Variants in PTPRQ observed in about 807,000 individuals in gnomAD.
The protein encoded by PTPRQ is phosphatidylinositol phosphatase PTPRQ.
A neutral mutation model predicts 246.0 loss-of-function variants in PTPRQ; 199 were observed. The observed-to-expected ratio is 0.81, with a 90% confidence interval of 0.72 to 0.91. The LOEUF (loss-of-function observed/expected upper bound fraction) is 0.91. Among genes scored for constraint, PTPRQ ranks in the 40% least tolerant of loss-of-function variants. The pLI is 0.00. For missense variants in PTPRQ, 2,624 were observed against 2,528.4 expected, an observed-to-expected ratio of 1.04 and a Z score of -0.81; for synonymous variants, 869 against 853.2, an observed-to-expected ratio of 1.02 and a Z score of -0.32.
chr12:80,617,143 G>A (rs1898793655), intron 30 of PTPRQ, among the ~76,000 whole-genome samples: 1 of 151,148 alleles, frequency 6.6e-6, no homozygotes, highest in Non-Finnish European at 1.5e-5. Context: ...TCATGGATTA[G>A]CCACTTGATA....
chr12:80,484,619 A>G lies in PTPRQ; in HGVS notation c.1359+14A>G. Reference sequence around the variant, plus strand: ...GGAAATAATGAGGTATTGCATTTTTATTTCACTTATTGGTGAACCCTTTCT... The same window carrying G: ...GGAAATAATGAGGTATTGCATTTTTGTTTCACTTATTGGTGAACCCTTTCT... On this transcript the variant is annotated intron_variant, in intron 9 of 44. Transcript: ENST00000644991. The G allele has an allele frequency of 2.6e-6, 4 of 1,547,464 alleles. No individual in the cohort carries two copies. In the South Asian group the frequency reaches 3.6e-5, roughly 14 times the overall value.
At chr12:80,560,574 T>C (rs1246068024) in intron 25 of PTPRQ, among the ~76,000 whole-genome samples, 1 of 152,186 alleles carries the variant, frequency 6.6e-6, no homozygotes, top group African/African-American at 2.4e-5. Context: ...CTATAGTTCT[T>C]GCACAGAAAT....
chr12:80,532,290 T>C (rs1277290562), intron 17 of PTPRQ, among the ~76,000 whole-genome samples: 1 of 152,094 alleles, frequency 6.6e-6, no homozygotes, highest in African/African-American at 2.4e-5. Context: ...GTTGCCGATA[T>C]TGGCTCACTT....
intron 25 of PTPRQ, among the ~76,000 whole-genome samples, chr12:80,565,572 T>C (rs554144565): frequency 6.6e-6 from 1 of 152,350 alleles, no homozygotes; most frequent in Non-Finnish European, 1.5e-5. Context: ...TCTTCTTTCT[T>C]TCTGGTAACC....
intron 6 of PTPRQ, among the ~76,000 whole-genome samples, chr12:80,465,713 A>G (rs2120511489): frequency 6.6e-6 from 1 of 152,132 alleles, no homozygotes; most frequent in East Asian, 1.9e-4. Context: ...ACACAAATCA[A>G]TAAATGTAAT....
chr12:80,456,408 C>G (rs978969600), intron 3 of PTPRQ, among the ~76,000 whole-genome samples: 1 of 152,056 alleles, frequency 6.6e-6, no homozygotes, highest in Admixed American at 6.6e-5. Context: ...AATAGGCAAC[C>G]TTTTTCTAAC....
At chr12:80,510,648 A>AG (rs1417333155) in intron 17 of PTPRQ, among the ~76,000 whole-genome samples, 10 of 152,270 alleles carry the variant, frequency 6.6e-5, no homozygotes, top group Middle Eastern at 3.4e-3. Context: ...TTTGCAATTA[A>AG]AACAAAAAAT....
At chr12:80,604,761 G>A (rs187576850) in intron 26 of PTPRQ, among the ~76,000 whole-genome samples, 1 of 151,408 alleles carries the variant, frequency 6.6e-6, no homozygotes, top group Non-Finnish European at 1.5e-5. Flanking sequence ...GCTTAAAAAG[G>A]TTTACTTTAG....
intron 26 of PTPRQ, among the ~76,000 whole-genome samples, chr12:80,589,469 A>G (rs1003051712): frequency 6.6e-6 from 1 of 152,140 alleles, no homozygotes; most frequent in African/African-American, 2.4e-5. Flanking sequence ...ATATTCTTAA[A>G]CATTTTTGAT....
intron 25 of PTPRQ, among the ~76,000 whole-genome samples, chr12:80,562,489 G>A (rs1896856121): frequency 6.6e-6 from 1 of 152,002 alleles, no homozygotes; most frequent in African/African-American, 2.4e-5. Flanking sequence ...TATCAAACAA[G>A]TTAGAAAAAG....
chr12:80,496,442 C>G lies in PTPRQ; in HGVS notation c.2183C>G (p.Thr728Ser). 3.2e-6 allele frequency: 5 copies of G among 1,550,714 alleles called. No individual in the cohort carries two copies. The highest frequency in any genetic ancestry group is 2.4e-5 in the East Asian group (1 of 40,858). The change falls in exon 14 of 45, where the codon ACC (threonine) becomes AGC (serine). Residue 728 changes from threonine (T) to serine (S), a missense_variant. By Grantham distance (58) the Thr-to-Ser change is moderately conservative. Transcript: ENST00000644991. ...DIILRNLRPH[T>S]LYNISVRSYT... ...ATATTAAGGAACTTAAGACCTCACA[C>G]CCTCTATAACATTTCTGTAAGGTCT...
chr12:80,496,635 A>G, intron 14 of PTPRQ, 104 bp downstream of exon 14: 1 of 1,348,976 alleles, frequency 7.4e-7, no homozygotes, highest in East Asian at 2.7e-5. Flanking sequence ...AAAATCCCTC[A>G]TTATTTTGTT....
chr12:80,471,454 A>G (rs948135147), intron 7 of PTPRQ, among the ~76,000 whole-genome samples: 3 of 149,046 alleles, frequency 2.0e-5, no homozygotes, highest in Non-Finnish European at 4.4e-5. Context: ...CTCTTATAGA[A>G]GATAATGAAA....
At chr12:80,500,289 T>C (rs1894758177) in intron 14 of PTPRQ, among the ~76,000 whole-genome samples, 1 of 152,054 alleles carries the variant, frequency 6.6e-6, no homozygotes, top group African/African-American at 2.4e-5. Context: ...CTTTATAAAA[T>C]ATTTCTATAA....
At chr12:80,571,462 A>G (rs1472452796) in intron 25 of PTPRQ, among the ~76,000 whole-genome samples, 2 of 152,204 alleles carry the variant, frequency 1.3e-5, no homozygotes, top group Non-Finnish European at 2.9e-5. Flanking sequence ...AGAGATATGT[A>G]TAACAAATAT....
intron 32 of PTPRQ, 77 bp downstream of exon 32, chr12:80,620,453 T>C: frequency 6.6e-7 from 1 of 1,525,066 alleles, no homozygotes; most frequent in South Asian, 1.3e-5. Flanking sequence ...CTGCCTGTCC[T>C]TTCATCTTTC....
chr12:80,542,909 A>T (rs1202939156), intron 23 of PTPRQ, 28 bp downstream of exon 23: 4 of 1,287,918 alleles, frequency 3.1e-6, no homozygotes, highest in Non-Finnish European at 4.1e-6. Context: ...GTATATGTTT[A>T]TTTTTAAAAA....
rs370721796 is a variant in PTPRQ at position 80,653,300 on chromosome 12, G to A, written c.6115+466G>A. ...ACTTACATGAATTCATTTTACATAT[G>A]AGGCAGAATGAGCTTCACCATAGTA... is the stretch of plus-strand genomic sequence containing the variant. On this transcript the variant is annotated intron_variant, in intron 38 of 44. Transcript: ENST00000644991. 2.0e-4 allele frequency among the ~76,000 whole-genome samples: 30 copies of A among 152,280 alleles called. 1 individual carries two copies. The East Asian group carries it at 5.4e-3, about 27-fold the overall frequency.
At chr12:80,537,394 T>A (rs780494752) in intron 19 of PTPRQ, among the ~76,000 whole-genome samples, 2 of 152,194 alleles carry the variant, frequency 1.3e-5, no homozygotes, top group Non-Finnish European at 2.9e-5. Flanking sequence ...TATCATGTTC[T>A]GCCTCCTATT....
Sources: gnomAD v4.1 joint callset for allele counts (sites outside exome capture counted in the v4.1 genomes callset) on GRCh38, gnomAD v4.1.1 for gene constraint, MANE v1.5 for transcripts, NCBI Gene and HGNC (gene_info 2026-07-23, HGNC 2026-07-21) for gene names.